COL24A1: variants seen among roughly 807,000 people sequenced by gnomAD.
The protein encoded by COL24A1 is collagen alpha-1(XXIV) chain.
In COL24A1, 224 loss-of-function variants were observed where a neutral mutation model predicts 253.9. The ratio of observed to expected loss-of-function variants is 0.88; its 90% CI spans 0.79 to 0.99. COL24A1 has a LOEUF of 0.99. COL24A1 is among the 50% of genes least tolerant of loss of function. The pLI is 0.00. For synonymous variants in COL24A1, 685 were observed against 673.7 expected (o/e 1.02, Z -0.26); for missense variants, 2,131 against 2,068.5 (o/e 1.03, Z -0.59).
intron 37 of COL24A1, among the ~76,000 whole-genome samples, chr1:85,854,375 T>C (rs1256215399): frequency 1.3e-5 from 2 of 152,232 alleles, no homozygotes; most frequent in Non-Finnish European, 2.9e-5. Context: ...AGCCTTGTAG[T>C]ATAGTTTGAA....
intron 20 of COL24A1, among the ~76,000 whole-genome samples, chr1:85,973,761 G>A (rs1692402682): frequency 6.6e-6 from 1 of 152,092 alleles, no homozygotes; most frequent in South Asian, 2.1e-4. Flanking sequence ...AATCCTTTCG[G>A]TGAAGCAGGC....
chr1:85,981,163 T>C (rs1409454263), intron 20 of COL24A1, among the ~76,000 whole-genome samples: 1 of 152,074 alleles, frequency 6.6e-6, no homozygotes, highest in Non-Finnish European at 1.5e-5. Flanking sequence ...TAAAATTCCT[T>C]TGGAACCAAA....
chr1:85,916,722 T>C (rs1382153376), intron 24 of COL24A1, among the ~76,000 whole-genome samples: 1 of 152,054 alleles, frequency 6.6e-6, no homozygotes, highest in Non-Finnish European at 1.5e-5. Flanking sequence ...CCAAAACATA[T>C]GTCAAATCTG....
chr1:85,856,917 T>A (rs2102397726), intron 37 of COL24A1, among the ~76,000 whole-genome samples: 1 of 152,188 alleles, frequency 6.6e-6, no homozygotes, highest in Admixed American at 6.5e-5. Flanking sequence ...GAGAAGACAC[T>A]TTCCATGTAT....
At chr1:85,773,367 T>G (rs371884500) in intron 53 of COL24A1, among the ~76,000 whole-genome samples, 1 of 152,062 alleles carries the variant, frequency 6.6e-6, no homozygotes, top group Non-Finnish European at 1.5e-5. Context: ...TTTTTTGGTT[T>G]CATATGAAGT....
chr1:85,948,626 T>C (rs905082401), intron 24 of COL24A1, among the ~76,000 whole-genome samples: 6 of 150,152 alleles, frequency 4.0e-5, no homozygotes, highest in African/African-American at 1.5e-4. Flanking sequence ...AGGAGAGCAA[T>C]GTCATCATGT....
At chr1:85,927,994 GAA>G (rs1687500682) in intron 24 of COL24A1, among the ~76,000 whole-genome samples, 1 of 60,742 alleles carries the variant, frequency 1.6e-5, no homozygotes, top group Non-Finnish European at 3.0e-5. Flanking sequence ...AAACAGAACA[GAA>G]AAACTGGAAA....
chr1:85,942,397 G>A (rs754128437), intron 24 of COL24A1, among the ~76,000 whole-genome samples: 37 of 152,154 alleles, frequency 2.4e-4, no homozygotes, highest in Non-Finnish European at 4.3e-4. Context: ...CTGGTTTTGA[G>A]TATCTATCCT....
At chr1:85,754,445 C>A (rs1180284516) in intron 55 of COL24A1, among the ~76,000 whole-genome samples, 2 of 93,604 alleles carry the variant, frequency 2.1e-5, no homozygotes, top group African/African-American at 8.4e-5. Flanking sequence ...CTAGATGACA[C>A]GTTAGTGGGT....
At chr1:85,743,815 G>A (rs962644389) in intron 57 of COL24A1, among the ~76,000 whole-genome samples, 2 of 152,060 alleles carry the variant, frequency 1.3e-5, no homozygotes, top group African/African-American at 4.8e-5. Flanking sequence ...GAAGTTAAGT[G>A]TTTGATTAAT....
At chr1:85,793,551 T>C (rs1449204786) in intron 47 of COL24A1, among the ~76,000 whole-genome samples, 1 of 152,174 alleles carries the variant, frequency 6.6e-6, no homozygotes, top group Non-Finnish European at 1.5e-5. Flanking sequence ...TCAGGTGATG[T>C]AGTTCTTCCA....
rs146746341 is a variant in COL24A1 at position 85,823,690 on chromosome 1, G to A, written c.3730C>T (p.Pro1244Ser). 6.2e-7 allele frequency: 1 copy of A among 1,613,732 alleles called. No homozygotes were observed. The highest frequency in any genetic ancestry group is 1.7e-5 in the Admixed American group (1 of 59,998). The change falls in exon 44 of 60, where the codon CCC (proline) becomes TCC (serine). Residue 1244 changes from proline (P) to serine (S), a missense_variant. Pro to Ser is a moderately conservative substitution (Grantham distance 74). Coordinates refer to ENST00000370571, the MANE Select transcript of COL24A1 (RefSeq NM_152890.7). ...ATAATGCTTTCAAAACATACTGGGGGTCCTTGTTGTCCAGTGGCACCTCTT... is the reference window on the plus strand; with the variant it reads ...ATAATGCTTTCAAAACATACTGGGGATCCTTGTTGTCCAGTGGCACCTCTT... ...GLRGATGQQG[P>S]PGEPGDQGEQ... is the part of the protein sequence containing the mutation.
chr1:86,133,459 C>G (rs1649650030), intron 2 of COL24A1, among the ~76,000 whole-genome samples: 1 of 151,738 alleles, frequency 6.6e-6, no homozygotes, highest in South Asian at 2.1e-4. Flanking sequence ...TCCAGTTTTT[C>G]CCATTCAGTA....
intron 20 of COL24A1, among the ~76,000 whole-genome samples, chr1:85,985,930 A>C (rs540303320): frequency 5.5e-4 from 84 of 151,894 alleles, no homozygotes; most frequent in Admixed American, 2.1e-3. Context: ...GATAAACAAC[A>C]AATAACTTCT....
chr1:85,786,338 C>G lies in COL24A1; in HGVS notation c.4059+16G>C. 6.2e-7 allele frequency: 1 copy of G among 1,611,346 alleles called. No homozygotes were observed. The highest frequency in any genetic ancestry group is 8.5e-7 in the Non-Finnish European group (1 of 1,177,932). ...GGCCAATACTGCTTACCCATTGGAA[C>G]AAAATATTAAAGTACCTTTGGGCCT... On this transcript the variant is annotated intron_variant, in intron 48 of 59. Transcript: ENST00000370571.
chr1:85,755,817 T>G (rs1666179547), intron 55 of COL24A1, among the ~76,000 whole-genome samples: 1 of 151,722 alleles, frequency 6.6e-6, no homozygotes, highest in African/African-American at 2.4e-5. Flanking sequence ...TAGGAAAAGC[T>G]TGATAACATT....
chr1:85,854,000 G>A (rs999070458), intron 37 of COL24A1, among the ~76,000 whole-genome samples: 8 of 152,126 alleles, frequency 5.3e-5, no homozygotes, highest in Admixed American at 3.9e-4. Flanking sequence ...TGTTTTTGAT[G>A]CAATTGCTTT....
chr1:86,022,380 A>G (rs1230563770), intron 17 of COL24A1, 87 bp from the exon 18 acceptor site: 10 of 1,423,328 alleles, frequency 7.0e-6, no homozygotes, highest in East Asian at 6.9e-5. Context: ...AAAATTTCAT[A>G]AAGTATGCTA....
intron 5 of COL24A1, among the ~76,000 whole-genome samples, chr1:86,108,821 G>C (rs1045017716): frequency 5.3e-5 from 8 of 150,396 alleles, no homozygotes; most frequent in African/African-American, 1.2e-4. Context: ...AAAAAAAAAG[G>C]ATTCTCTAAA....
Sources: gnomAD v4.1 joint callset for allele counts (sites outside exome capture counted in the v4.1 genomes callset) on GRCh38, gnomAD v4.1.1 for gene constraint, MANE v1.5 for transcripts, NCBI Gene and HGNC (gene_info 2026-07-23, HGNC 2026-07-21) for gene names.